RPS6KC1: variants seen among roughly 807,000 people sequenced by gnomAD.
RPS6KC1 encodes the protein inactive ribosomal protein S6 kinase delta-1.
In RPS6KC1, 54 loss-of-function variants were observed where a neutral mutation model predicts 103.8. The ratio of observed to expected loss-of-function variants is 0.52; its 90% CI spans 0.42 to 0.65. The LOEUF (loss-of-function observed/expected upper bound fraction) is 0.65, where lower values mean the gene tolerates loss of function less well. Among genes scored for constraint, RPS6KC1 ranks in the 30% least tolerant of loss-of-function variants. The pLI, the probability that RPS6KC1 is intolerant of heterozygous loss-of-function variation, is 0.00. For missense variants in RPS6KC1, 1,151 were observed against 1,253.8 expected (o/e 0.92, Z 1.24); for synonymous variants, 439 against 438.7 (o/e 1.00, Z -0.01).
the RPS6KC1 span, among the ~76,000 whole-genome samples, chr1:213,776,103 G>A: frequency 6.6e-6 from 1 of 152,094 alleles, no homozygotes; most frequent in African/African-American, 2.4e-5. Flanking sequence ...CTCCACTAAT[G>A]TCTTCAACTC....
At chr1:213,829,178 A>G in the RPS6KC1 span, among the ~76,000 whole-genome samples, 1 of 151,668 alleles carries the variant, frequency 6.6e-6, no homozygotes, top group African/African-American at 2.4e-5. Flanking sequence ...CTACATGCAA[A>G]CAATTGTTGC....
the RPS6KC1 span, among the ~76,000 whole-genome samples, chr1:213,824,540 C>T: frequency 6.6e-6 from 1 of 152,192 alleles, no homozygotes; most frequent in Non-Finnish European, 1.5e-5. Context: ...GCTATGTCCC[C>T]ACCCAAATCT....
the RPS6KC1 span, among the ~76,000 whole-genome samples, chr1:213,703,656 T>A: frequency 6.6e-6 from 1 of 152,310 alleles, no homozygotes. Flanking sequence ...TTTAAATATG[T>A]CATGCCGTTC....
At chr1:213,694,458 CAGTTCCTGTA>C in the RPS6KC1 span, among the ~76,000 whole-genome samples, 1 of 152,190 alleles carries the variant, frequency 6.6e-6, no homozygotes, top group African/African-American at 2.4e-5. Context: ...CCTAAAACTA[CAGTTCCTGTA>C]AGCCCATGGC....
Position 213,272,766 on chromosome 1 carries a change from G to A in RPS6KC1, c.*132G>A. On this transcript the variant is annotated 3_prime_UTR_variant, in exon 15 of 15. Coordinates refer to ENST00000366960, the MANE Select transcript of RPS6KC1 (RefSeq NM_012424.6). ...GGATAAAGACCGTTATAGGAAATGG[G>A]GGGGAAATGGCTAAAAGAGAACAAT... is the stretch of plus-strand genomic sequence containing the variant. 1.6e-6 allele frequency: 1 copy of A among 639,278 alleles called. No homozygotes were observed. Among genetic ancestry groups the A allele is most frequent in the Middle Eastern group, 4.3e-4 (1 of 2,332 alleles). 39.6% of individuals were successfully genotyped at this position (639,278 alleles called of 1,614,324 possible).
chr1:213,080,443 A>C (rs1235181424), intron 3 of RPS6KC1, among the ~76,000 whole-genome samples: 1 of 151,634 alleles, frequency 6.6e-6, no homozygotes, highest in Non-Finnish European at 1.5e-5. Flanking sequence ...TCACCACTTA[A>C]CATTTGAAAT....
chr1:213,167,709 A>G (rs1572972898), intron 6 of RPS6KC1, 149 bp from the exon 7 acceptor site: 1 of 466,160 alleles, frequency 2.1e-6, no homozygotes, highest in East Asian at 3.3e-5. Flanking sequence ...CTTGGTTGAT[A>G]CTAATAACTT....
chr1:213,858,463 T>G, the RPS6KC1 span, among the ~76,000 whole-genome samples: 2 of 152,248 alleles, frequency 1.3e-5, no homozygotes, highest in East Asian at 3.9e-4. Context: ...GATGCAGCTT[T>G]CAGGGTTCGT....
In RPS6KC1 at chr1:213,164,614, A is replaced by G. The variant is rs143962081; in HGVS notation, c.836-3244A>G. 3.6e-3 allele frequency among the ~76,000 whole-genome samples: 551 copies of G among 152,248 alleles called. 4 individuals carry two copies. The highest frequency in any genetic ancestry group is 0.012 in the African/African-American group (492 of 41,530). Reference sequence around the variant, plus strand: ...TCCCCAGGTTGGAGTGCAGTGGTTCATGCAGTGGCATGAGCGTGGCTCACC... The same window carrying G: ...TCCCCAGGTTGGAGTGCAGTGGTTCGTGCAGTGGCATGAGCGTGGCTCACC... On this transcript the variant is annotated intron_variant, in intron 6 of 14. Coordinates refer to ENST00000366960, the MANE Select transcript of RPS6KC1 (RefSeq NM_012424.6).
the RPS6KC1 span, among the ~76,000 whole-genome samples, chr1:213,630,936 A>G: frequency 2.0e-5 from 3 of 152,308 alleles, no homozygotes; most frequent in East Asian, 5.8e-4. Flanking sequence ...TTCCTCTGGA[A>G]GTTTTGTCTC....
At chr1:213,186,499 T>C (rs2092538989) in intron 8 of RPS6KC1, among the ~76,000 whole-genome samples, 1 of 152,198 alleles carries the variant, frequency 6.6e-6, no homozygotes, top group Admixed American at 6.5e-5. Context: ...CTCTTGTTGT[T>C]TTTAGGATCC....
At chr1:213,640,148 G>A in the RPS6KC1 span, among the ~76,000 whole-genome samples, 2 of 151,916 alleles carry the variant, frequency 1.3e-5, no homozygotes, top group Non-Finnish European at 2.9e-5. Flanking sequence ...GGTTTGTAAA[G>A]AATTGGCTCA....
the RPS6KC1 span, among the ~76,000 whole-genome samples, chr1:213,595,618 CAG>C: frequency 1.3e-5 from 2 of 152,194 alleles, no homozygotes; most frequent in African/African-American, 4.8e-5. Context: ...TTTTGGAAGA[CAG>C]TGGTTTTGCT....
chr1:213,629,452 C>A, the RPS6KC1 span, among the ~76,000 whole-genome samples: 2 of 152,242 alleles, frequency 1.3e-5, no homozygotes, highest in African/African-American at 4.8e-5. Context: ...CTTCCTCCAT[C>A]CCTTTATTTT....
Position 213,143,823 on chromosome 1 carries a change from CT to C in RPS6KC1, c.835+13951del, listed in dbSNP as rs540171345. Among the ~76,000 whole-genome samples the C allele has an allele frequency of 7.8e-3, 1,065 of 135,924 alleles. 6 individuals are homozygous for C. The highest frequency in any genetic ancestry group is 0.019 in the African/African-American group (700 of 37,230). 89.2% of individuals were successfully genotyped at this position (135,924 alleles called of 152,430 possible). ...GCAAAAATCAAGGTGTGAGCAGCAC[CT>C]TTTTTTTTTTTTTTTTCCTGGAAAC... On this transcript the variant is annotated intron_variant, in intron 6 of 14. Coordinates refer to ENST00000366960, the MANE Select transcript of RPS6KC1 (RefSeq NM_012424.6).
chr1:213,182,513 A>T (rs1446336908), intron 8 of RPS6KC1, among the ~76,000 whole-genome samples: 3 of 152,072 alleles, frequency 2.0e-5, no homozygotes, highest in Non-Finnish European at 4.4e-5. Flanking sequence ...AATACTGTAG[A>T]TAAACCAAAA....
At chr1:213,477,484 AGT>A in the RPS6KC1 span, among the ~76,000 whole-genome samples, 2 of 152,074 alleles carry the variant, frequency 1.3e-5, no homozygotes, top group Non-Finnish European at 2.9e-5. Flanking sequence ...AGGTTTTAGA[AGT>A]GTAAATGTTT....
chr1:213,707,212 TG>T, the RPS6KC1 span, among the ~76,000 whole-genome samples: 1 of 152,186 alleles, frequency 6.6e-6, no homozygotes. Flanking sequence ...CAGCATCTGT[TG>T]TTTCCGGACT....
chr1:213,553,384 A>G, the RPS6KC1 span, among the ~76,000 whole-genome samples: 6 of 152,176 alleles, frequency 3.9e-5, no homozygotes, highest in South Asian at 2.1e-4. Context: ...TATATTTACC[A>G]TATTTTCTTT....
Sources: gnomAD v4.1 joint callset for allele counts (sites outside exome capture counted in the v4.1 genomes callset) on GRCh38, gnomAD v4.1.1 for gene constraint, MANE v1.5 for transcripts, NCBI Gene and HGNC (gene_info 2026-07-23, HGNC 2026-07-21) for gene names.